MSH3: variants seen among roughly 807,000 people sequenced by gnomAD.
The protein encoded by MSH3 is DNA mismatch repair protein Msh3.
In MSH3, 106 loss-of-function variants were observed where a neutral mutation model predicts 123.3. The observed-to-expected ratio is 0.86, with a 90% CI of 0.73 to 1.01. The LOEUF (loss-of-function observed/expected upper bound fraction) is 1.01. Ranked by LOEUF, MSH3 falls within the 50% of genes least tolerant of loss-of-function variation. The pLI is 0.00. For missense variants in MSH3, 1,459 were observed against 1,347.6 expected (o/e 1.08, Z -1.29); for synonymous variants, 515 against 481.4 (o/e 1.07, Z -0.91).
chr5:80,837,825 T>C (rs1399722107), intron 20 of MSH3, among the ~76,000 whole-genome samples: 1 of 152,206 alleles, frequency 6.6e-6, no homozygotes, highest in Non-Finnish European at 1.5e-5. Flanking sequence ...GGTTAAGGTA[T>C]TGGCCAGGGT....
intron 8 of MSH3, among the ~76,000 whole-genome samples, chr5:80,720,398 G>A (rs750179533): frequency 1.2e-4 from 18 of 151,868 alleles, no homozygotes; most frequent in Non-Finnish European, 2.5e-4. Context: ...CCAACCTTTT[G>A]TATTTGTTAC....
At chr5:80,699,069 T>C (rs1750549308) in intron 8 of MSH3, among the ~76,000 whole-genome samples, 1 of 152,138 alleles carries the variant, frequency 6.6e-6, no homozygotes, top group South Asian at 2.1e-4. Context: ...TGAGCTGAGA[T>C]GGCTGGTGAT....
chr5:80,844,727 C>CTT (rs140570977), intron 20 of MSH3, among the ~76,000 whole-genome samples: 26 of 150,140 alleles, frequency 1.7e-4, no homozygotes, highest in South Asian at 6.3e-4. Flanking sequence ...GCAACCCCTG[C>CTT]TTTTTTTTTG....
chr5:80,733,754 A>C (rs948613736), intron 10 of MSH3, among the ~76,000 whole-genome samples: 3 of 152,180 alleles, frequency 2.0e-5, no homozygotes, highest in Non-Finnish European at 4.4e-5. Flanking sequence ...GGTAAATTCA[A>C]ATCAATGCCA....
intron 20 of MSH3, among the ~76,000 whole-genome samples, chr5:80,821,315 G>A (rs912376668): frequency 1.3e-5 from 2 of 152,082 alleles, no homozygotes; most frequent in Non-Finnish European, 2.9e-5. Context: ...ACTATTTGAG[G>A]GAAAGAACTC....
chr5:80,810,962 A>G (rs1426885311), intron 19 of MSH3, among the ~76,000 whole-genome samples: 1 of 152,032 alleles, frequency 6.6e-6, no homozygotes, highest in Non-Finnish European at 1.5e-5. Flanking sequence ...TTTGAGCATC[A>G]TATTGTTGCT....
chr5:80,701,883 A>G (rs1750617523), intron 8 of MSH3, among the ~76,000 whole-genome samples: 1 of 151,840 alleles, frequency 6.6e-6, no homozygotes, highest in African/African-American at 2.4e-5. Context: ...CTTTTTTGTG[A>G]ATCCTTTTTA....
At chr5:80,733,906 G>A (rs577572603) in intron 10 of MSH3, among the ~76,000 whole-genome samples, 68 of 152,212 alleles carry the variant, frequency 4.5e-4, no homozygotes, top group African/African-American at 1.6e-3. Context: ...AAACAGTCTG[G>A]TAGTACCTCA....
At chr5:80,863,259 A>G (rs937421427) in intron 21 of MSH3, among the ~76,000 whole-genome samples, 4 of 152,232 alleles carry the variant, frequency 2.6e-5, no homozygotes, top group African/African-American at 9.6e-5. Context: ...ATGAGTGACC[A>G]TGGCCCGTGA....
intron 5 of MSH3, 29 bp from the exon 6 acceptor site, chr5:80,672,712 G>A: frequency 6.5e-7 from 1 of 1,530,370 alleles, no homozygotes; most frequent in Non-Finnish European, 9.1e-7. Flanking sequence ...TTTATCCTTT[G>A]ATAGCAATAT....
intron 17 of MSH3, among the ~76,000 whole-genome samples, chr5:80,785,560 G>A (rs922458490): frequency 1.4e-4 from 21 of 152,048 alleles, no homozygotes; most frequent in African/African-American, 5.1e-4. Context: ...GATTCCTCAG[G>A]GATCTAGAAC....
intron 8 of MSH3, among the ~76,000 whole-genome samples, chr5:80,713,456 CTTG>C (rs1289731488): frequency 6.6e-6 from 1 of 152,038 alleles, no homozygotes; most frequent in African/African-American, 2.4e-5. Flanking sequence ...AGATGACTGT[CTTG>C]TTGTGAGTCC....
chr5:80,783,014 G>A (rs1470854798), intron 17 of MSH3, among the ~76,000 whole-genome samples: 1 of 152,082 alleles, frequency 6.6e-6, no homozygotes, highest in Admixed American at 6.5e-5. Context: ...TGTATATTCA[G>A]TAATCTTCTC....
intron 12 of MSH3, among the ~76,000 whole-genome samples, chr5:80,753,728 G>A (rs2112874956): frequency 6.6e-6 from 1 of 151,998 alleles, no homozygotes; most frequent in South Asian, 2.1e-4. Context: ...TTTCCACATT[G>A]GGGGGTGGGG....
chr5:80,839,341 C>A (rs573364546), intron 20 of MSH3, among the ~76,000 whole-genome samples: 41 of 152,296 alleles, frequency 2.7e-4, no homozygotes, highest in Non-Finnish European at 4.4e-4. Flanking sequence ...GCAATCCAAC[C>A]TGGACAACAG....
rs147640909 is a variant in MSH3 at position 80,864,884 on chromosome 5, G to C, written c.3072G>C (p.Gln1024His). Residue 1024 changes from glutamine to histidine, a missense_variant, in exon 22 of 24, where the codon CAG becomes CAC. By Grantham distance (24) the Gln-to-His change is conservative (BLOSUM62 0). Transcript: ENST00000265081. ...VCELEKNYSHQVGNYHMGFLV... is the reference protein window; with the variant it reads ...VCELEKNYSHHVGNYHMGFLV... Reference sequence around the variant, plus strand: ...AACTAGAAAAAAATTACTCACACCAGGTGGGGAATTACCACATGGGATTCT... The same window carrying C: ...AACTAGAAAAAAATTACTCACACCACGTGGGGAATTACCACATGGGATTCT... 62 of 1,613,260 alleles carry C rather than the reference G, an allele frequency of 3.8e-5. No individual in the cohort carries two copies. The African/African-American group carries it at 4.1e-4, about 11-fold the overall frequency.
chr5:80,669,376 A>G lies in MSH3; in HGVS notation c.580-721A>G, dbSNP rs145122823. 5.5e-3 allele frequency among the ~76,000 whole-genome samples: 835 copies of G among 152,288 alleles called. 5 individuals are homozygous for G. Among genetic ancestry groups the G allele is most frequent in the African/African-American group, 0.019 (797 of 41,560 alleles). ...AGTGACAGAGTGGCAATTAATTAGAAGTTGGATTTAGCCAACTATAAATTT... is the reference window on the plus strand; with the variant it reads ...AGTGACAGAGTGGCAATTAATTAGAGGTTGGATTTAGCCAACTATAAATTT... On this transcript the variant is annotated intron_variant, in intron 3 of 23. Coordinates refer to ENST00000265081, the MANE Select transcript of MSH3 (RefSeq NM_002439.5).
intron 8 of MSH3, among the ~76,000 whole-genome samples, chr5:80,717,046 TGGGGGGGGCTGAATA>T (rs1750977069): frequency 6.6e-6 from 1 of 151,852 alleles, no homozygotes; most frequent in African/African-American, 2.4e-5. Flanking sequence ...TTTCATTTTT[TGGGGGGGGCTGAATA>T]GTATTCCATT....
intron 4 of MSH3, 112 bp downstream of exon 4, chr5:80,670,421 C>T: frequency 2.7e-6 from 3 of 1,118,096 alleles, no homozygotes; most frequent in South Asian, 1.4e-5. Flanking sequence ...TGATCAATCA[C>T]CTTTTAAAAA....
Sources: allele counts gnomAD v4.1 joint callset (sites outside exome capture counted in the v4.1 genomes callset), GRCh38; gene constraint gnomAD v4.1.1; transcripts MANE v1.5; gene names NCBI Gene and HGNC (gene_info 2026-07-23, HGNC 2026-07-21).